The following CERS4 variants were observed in gnomAD, a reference collection of about 807,000 sequenced individuals.
The protein encoded by CERS4 is ceramide synthase 4, also known as LAG1 homolog, ceramide synthase 4.
CERS4 carries 65 observed loss-of-function variants against 51.8 expected under a neutral mutation model. The observed-to-expected ratio is 1.26, with a 90% CI of 1.03 to 1.54. The LOEUF is 1.54. Among genes scored for constraint, CERS4 ranks in the 40% most tolerant of loss-of-function variants. The pLI is 0.00. For synonymous variants in CERS4, 228 were observed against 208.4 expected (o/e 1.09, Z -0.81); for missense variants, 563 against 500.4 (o/e 1.13, Z -1.19).
intron 2 of CERS4, among the ~76,000 whole-genome samples, chr19:8,229,417 T>C (rs112276586): frequency 2.8e-4 from 3 of 10,710 alleles, no homozygotes; most frequent in South Asian, 2.4e-3. Flanking sequence ...CTTTCTTCTT[T>C]TTTCTTCTTC....
intron 2 of CERS4, among the ~76,000 whole-genome samples, chr19:8,247,027 A>G (rs1457275521): frequency 5.3e-5 from 8 of 152,114 alleles, no homozygotes; most frequent in Non-Finnish European, 8.8e-5. Context: ...TTAGCCAGGC[A>G]TGGTGGCGCA....
At chr19:8,256,317 A>T (rs1466743323) in intron 7 of CERS4, 31 bp downstream of exon 7, 1 of 1,611,316 alleles carries the variant, frequency 6.2e-7, no homozygotes, top group Non-Finnish European at 8.5e-7. Flanking sequence ...GAATGCTTGG[A>T]GGGTGAGGGC....
chr19:8,236,955 A>T (rs1968288220), intron 2 of CERS4, among the ~76,000 whole-genome samples: 1 of 136,600 alleles, frequency 7.3e-6, no homozygotes, highest in Non-Finnish European at 1.5e-5. Context: ...GTGAACTGAG[A>T]TCAGGCCACT....
At chr19:8,227,195 C>T (rs566185503) in intron 2 of CERS4, among the ~76,000 whole-genome samples, 19 of 152,118 alleles carry the variant, frequency 1.2e-4, no homozygotes, top group Admixed American at 2.0e-4. Flanking sequence ...CCAAAAATGC[C>T]CCCTCTCCTG....
chr19:8,242,477 C>T (rs1417180351), intron 2 of CERS4, among the ~76,000 whole-genome samples: 2 of 152,142 alleles, frequency 1.3e-5, no homozygotes, highest in East Asian at 1.9e-4. Flanking sequence ...GCTTCCTTCT[C>T]CAACCCTCCC....
At chr19:8,212,631 TTAA>T (rs1318811227) in intron 2 of CERS4, among the ~76,000 whole-genome samples, 1 of 147,322 alleles carries the variant, frequency 6.8e-6, no homozygotes, top group African/African-American at 2.5e-5. Flanking sequence ...TACTGTTTTT[TTAA>T]TTATTATTTT....
intron 2 of CERS4, among the ~76,000 whole-genome samples, chr19:8,211,081 G>A (rs901186688): frequency 2.0e-5 from 3 of 152,064 alleles, no homozygotes; most frequent in Non-Finnish European, 4.4e-5. Flanking sequence ...TCTAACGCCC[G>A]GTGGGAGTTC....
At chr19:8,232,442 C>T (rs185850355) in intron 2 of CERS4, among the ~76,000 whole-genome samples, 28 of 152,132 alleles carry the variant, frequency 1.8e-4, no homozygotes, top group Middle Eastern at 3.4e-3. Context: ...AGGCACGTGC[C>T]ACCACACCCG....
intron 2 of CERS4, among the ~76,000 whole-genome samples, 188 bp downstream of exon 2, chr19:8,211,050 C>A (rs1420681162): frequency 6.6e-6 from 1 of 151,936 alleles, no homozygotes; most frequent in Non-Finnish European, 1.5e-5. Flanking sequence ...GCAGCCACAC[C>A]CCTAAGGAAC....
rs1288458726 is a variant in CERS4, at chr19:8,217,585, G to A, written c.-2+6723G>A. Among the ~76,000 whole-genome samples the A allele has an allele frequency of 8.1e-5, 12 of 148,790 alleles. No individual in the cohort carries two copies. The Admixed American group carries it at 8.1e-4, about 10-fold the overall frequency. On this transcript the variant is annotated intron_variant, in intron 2 of 11. Coordinates refer to ENST00000251363, the MANE Select transcript of CERS4 (RefSeq NM_024552.3). ...GGAGTCTCGCTCTTTCACCCAGGCTGGAGTGCAGTGACTCCATCTCGGCTC... is the reference window on the plus strand; with the variant it reads ...GGAGTCTCGCTCTTTCACCCAGGCTAGAGTGCAGTGACTCCATCTCGGCTC...
In CERS4 at chr19:8,262,126, G is replaced by A. The variant is rs892884825; in HGVS notation, c.*17G>A. On this transcript the variant is annotated 3_prime_UTR_variant, in exon 12 of 12. Transcript: ENST00000251363. ...GCCACATAGCCGGGCGGGGCTGGCT[G>A]TAAGGGGTTGCCCCCCCGCCAGTGC... is the stretch of plus-strand genomic sequence containing the variant. The A allele has an allele frequency of 3.5e-6, 5 of 1,439,832 alleles. No homozygotes were observed. Among genetic ancestry groups the A allele is most frequent in the South Asian group, 1.5e-5 (1 of 67,350 alleles). The allele number at this position is 1,439,832 out of a possible 1,614,324, so 89.2% of individuals were successfully genotyped here.
At chr19:8,261,899 T>A in intron 11 of CERS4, 31 bp from the exon 12 acceptor site, 3 of 1,612,048 alleles carry the variant, frequency 1.9e-6, no homozygotes, top group African/African-American at 1.3e-5. Context: ...TCCTCCCTGC[T>A]CTGAGCTCCA....
intron 2 of CERS4, among the ~76,000 whole-genome samples, chr19:8,226,982 A>G (rs760732105): frequency 1.3e-5 from 2 of 151,942 alleles, no homozygotes; most frequent in Non-Finnish European, 2.9e-5. Context: ...TACAAAATCA[A>G]CTGGATGTGG....
At position 8,209,473 on chromosome 19, in the gene CERS4, GC is replaced by G. The variant is rs1966997977; in HGVS notation, c.-177del. 2 of 151,540 alleles carry G rather than the reference GC, an allele frequency of 1.3e-5. No individual in the cohort carries two copies. The highest frequency in any genetic ancestry group is 2.9e-5 in the Non-Finnish European group (2 of 67,850). The allele number at this position is 151,540 out of a possible 1,614,324, so 9.4% of individuals were successfully genotyped here. On this transcript the variant is annotated 5_prime_UTR_variant, in exon 1 of 12. Coordinates refer to ENST00000251363, the MANE Select transcript of CERS4 (RefSeq NM_024552.3). ...CAGCCCCGCCGCCGGCCCTCGGTGC[GC>G]CCGGCCGCCTGCACCCCCAGGTAAG... is the stretch of plus-strand genomic sequence containing the variant.
At chr19:8,243,216 A>T (rs1968614222) in intron 2 of CERS4, among the ~76,000 whole-genome samples, 1 of 149,610 alleles carries the variant, frequency 6.7e-6, no homozygotes, top group Non-Finnish European at 1.5e-5. Context: ...AAAAAAAAAA[A>T]AAAAAAATAG....
At chr19:8,256,550 C>CGGAGCCATACCCCTGCCCGATT (rs1969393815) in intron 7 of CERS4, 68 bp from the exon 8 acceptor site, 1 of 1,439,388 alleles carries the variant, frequency 6.9e-7, no homozygotes, top group Non-Finnish European at 9.6e-7. Context: ...GGAGTGGGCC[C>CGGAGCCATACCCCTGCCCGATT]GGAGCCATAC....
intron 2 of CERS4, among the ~76,000 whole-genome samples, chr19:8,245,126 A>ACAAAAAAAACAAAAAAAAACAAAC (rs1555777241): frequency 0.04 from 5,856 of 148,178 alleles, 419 homozygotes; most frequent in African/African-American, 0.13. Context: ...AAAAAAAAAA[A>ACAAAAAAAACAAAAAAAAACAAAC]AAAAAAAAAC....
intron 2 of CERS4, among the ~76,000 whole-genome samples, chr19:8,218,171 G>A (rs1269846102): frequency 6.6e-6 from 1 of 152,036 alleles, no homozygotes; most frequent in Non-Finnish European, 1.5e-5. Flanking sequence ...CACCATATTG[G>A]CCAGGCTGGT....
chr19:8,232,889 ATTTTTTTTT>A lies in CERS4; in HGVS notation c.-1-18169_-1-18161del, dbSNP rs34774744. ...AGGGAGACACCACCATGCCTCGCTG[ATTTTTTTTT>A]TTTTTTTTTTTTTTTTTGAAGTGGA... On this transcript the variant is annotated intron_variant, in intron 2 of 11. Coordinates refer to ENST00000251363, the MANE Select transcript of CERS4 (RefSeq NM_024552.3). Among the ~76,000 whole-genome samples, 15 of 59,230 alleles carry A rather than the reference ATTTTTTTTT, an allele frequency of 2.5e-4. No individual in the cohort carries two copies. In the South Asian group the frequency reaches 3.5e-3, roughly 14 times the overall value. The allele number at this position is 59,230 out of a possible 152,430, so 38.9% of individuals were successfully genotyped here.
Sources: gnomAD v4.1 joint callset for allele counts (sites outside exome capture counted in the v4.1 genomes callset) on GRCh38, gnomAD v4.1.1 for gene constraint, MANE v1.5 for transcripts, NCBI Gene and HGNC (gene_info 2026-07-23, HGNC 2026-07-21) for gene names.